ERCC1: variants seen among roughly 807,000 people sequenced by gnomAD.
The protein encoded by ERCC1 is DNA excision repair protein ERCC-1.
A neutral mutation model predicts 37.6 loss-of-function variants in ERCC1; 36 were observed. The ratio of observed to expected loss-of-function variants is 0.96; its 90% CI spans 0.73 to 1.26. The LOEUF (loss-of-function observed/expected upper bound fraction) is 1.26, where lower values mean the gene tolerates loss of function less well. Among genes scored for constraint, ERCC1 ranks in the 50% most tolerant of loss-of-function variants. ERCC1 has a pLI of 0.00. For missense variants in ERCC1, 349 were observed against 376.5 expected, an observed-to-expected ratio of 0.93 and a Z score of 0.60; for synonymous variants, 156 against 162.1, an observed-to-expected ratio of 0.96 and a Z score of 0.28.
intron 1 of ERCC1, among the ~76,000 whole-genome samples, chr19:45,434,000 G>A (rs549854946): frequency 6.6e-6 from 1 of 151,698 alleles, no homozygotes; most frequent in African/African-American, 2.4e-5. Flanking sequence ...AATTAGTCAG[G>A]CATGGTGGCA....
Position 45,409,328 on chromosome 19 carries a change from AG to A in ERCC1, c.*346del, listed in dbSNP as rs1425269261. 6.2e-7 allele frequency: 1 copy of A among 1,614,130 alleles called. No individual in the cohort carries two copies. Among genetic ancestry groups the A allele is most frequent in the Admixed American group, 1.7e-5 (1 of 60,018 alleles). Reference sequence around the variant, plus strand: ...GCCAGGGGAGGGACAGCCTGAAGCCAGGGCAACTCCGGGATCCACCAAGAAG... The same window carrying A: ...GCCAGGGGAGGGACAGCCTGAAGCCAGGCAACTCCGGGATCCACCAAGAAG... On this transcript the variant is annotated 3_prime_UTR_variant, in exon 10 of 10. Transcript: ENST00000300853.
At chr19:45,449,960 A>G (rs1460223604) in intron 1 of ERCC1, among the ~76,000 whole-genome samples, 1 of 152,216 alleles carries the variant, frequency 6.6e-6, no homozygotes, top group Admixed American at 6.5e-5. Context: ...GCAAAACTCC[A>G]TCTCAAACAA....
At chr19:45,438,085 T>A (rs571039844) in intron 1 of ERCC1, among the ~76,000 whole-genome samples, 151 of 152,254 alleles carry the variant, frequency 9.9e-4, no homozygotes, top group African/African-American at 3.4e-3. Flanking sequence ...ATTTTTTTTG[T>A]ATTTTTAGTA....
At chr19:45,450,903 C>G (rs1223839578) in intron 1 of ERCC1, among the ~76,000 whole-genome samples, 18 of 74,620 alleles carry the variant, frequency 2.4e-4, no homozygotes, top group African/African-American at 6.2e-4. Flanking sequence ...CCCCCCCCCC[C>G]CCACGCCCGC....
rs750129391 is a variant in ERCC1 at position 45,423,296 on chromosome 19, C to T, written c.79G>A (p.Asp27Asn). ...PARKKFVIPL[D>N]EDEVPPGVAK... is the part of the protein sequence containing the mutation. ...ACTCCAGGAGGGACCTCATCCTCGT[C>T]GAGGGGTATCACAAATTTCTTCCTT... The change falls in exon 2 of 10, where the codon GAC becomes AAC. Residue 27 changes from aspartate to asparagine, a missense_variant. Coordinates refer to ENST00000300853, the MANE Select transcript of ERCC1 (RefSeq NM_001983.4). The T allele has an allele frequency of 6.2e-7, 1 of 1,613,790 alleles. No homozygotes were observed. The highest frequency in any genetic ancestry group is 1.1e-5 in the South Asian group (1 of 90,970).
At chr19:45,413,653 T>C in intron 9 of ERCC1, 24 bp downstream of exon 9, 1 of 1,614,204 alleles carries the variant, frequency 6.2e-7, no homozygotes, top group South Asian at 1.1e-5. Flanking sequence ...CCCAACTCCT[T>C]GGGTTCTTTC....
chr19:45,423,729 A>G, intron 1 of ERCC1, 52 bp downstream of exon 1: 1 of 1,164,130 alleles, frequency 8.6e-7, no homozygotes, highest in Non-Finnish European at 1.1e-6. Context: ...AGACTCGGCA[A>G]TGATTGGCTT....
chr19:45,424,918 T>C (rs952167148), upstream of ERCC1, among the ~76,000 whole-genome samples: 1 of 136,528 alleles, frequency 7.3e-6, no homozygotes, highest in Admixed American at 7.1e-5. Flanking sequence ...AAATTCTTTT[T>C]TTTCTTTTTT....
Position 45,413,426 on chromosome 19 carries a change from C to T in ERCC1, c.843+251G>A, listed in dbSNP as rs560877664. 2.1e-4 allele frequency: 149 copies of T among 702,732 alleles called. No individual in the cohort carries two copies. The African/African-American group carries it at 2.4e-3, about 11-fold the overall frequency. 43.5% of individuals were successfully genotyped at this position (702,732 alleles called of 1,614,324 possible). ...AGACTACAGGCACGTAGCAAGCTCA[C>T]ACCACCATGCCCAGCTAGTTTTTTT... On this transcript the variant is annotated intron_variant, in intron 9 of 9. Transcript: ENST00000300853.
intron 1 of ERCC1, among the ~76,000 whole-genome samples, chr19:45,442,187 G>GC (rs1447189481): frequency 2.6e-5 from 4 of 151,352 alleles, no homozygotes; most frequent in South Asian, 2.1e-4. Context: ...GTGGTGGCAT[G>GC]CACCTGTGGT....
chr19:45,428,083 C>CTTTTTTTTTTTTT (rs5828235), upstream of ERCC1, among the ~76,000 whole-genome samples: 23 of 115,980 alleles, frequency 2.0e-4, 1 homozygote, highest in African/African-American at 7.3e-4. Context: ...TTCTTTCTTT[C>CTTTTTTTTTTTTT]TTTTTTTTTT....
At chr19:45,409,895 ATTTTTTT>A (rs57573120) in intron 9 of ERCC1, 170 bp from the exon 10 acceptor site, 1 of 169,606 alleles carries the variant, frequency 5.9e-6, no homozygotes, top group Non-Finnish European at 1.1e-5. Flanking sequence ...TATTATTATT[ATTTTTTT>A]TTTTTTTGAG....
At chr19:45,425,312 G>A (rs1453545294), upstream of ERCC1, among the ~76,000 whole-genome samples, 1 of 151,934 alleles carries the variant, frequency 6.6e-6, no homozygotes, top group Non-Finnish European at 1.5e-5. Flanking sequence ...TTCAGTGAGG[G>A]ACACAGACAC....
Position 45,408,791 on chromosome 19 carries a change from AAC to A in ERCC1, c.*882_*883del. ...CAAGACAGTGAAGCAGGAACAGATT[AAC>A]ACTGAGCCTCTAGAAGACACAGTCC... On this transcript the variant is annotated 3_prime_UTR_variant, in exon 10 of 10. Coordinates refer to ENST00000300853, the MANE Select transcript of ERCC1 (RefSeq NM_001983.4). 6.2e-7 allele frequency: 1 copy of A among 1,613,984 alleles called. No homozygotes were observed. Among genetic ancestry groups the A allele is most frequent in the South Asian group, 1.1e-5 (1 of 91,080 alleles).
rs764241126 is a variant in ERCC1, at chr19:45,421,275, G to A, written c.224C>T (p.Thr75Met). 1.4e-5 allele frequency: 23 copies of A among 1,614,006 alleles called. No individual in the cohort carries two copies. Among genetic ancestry groups the A allele is most frequent in the East Asian group, 4.5e-5 (2 of 44,898 alleles). Residue 75 changes from threonine (T) to methionine (M), a missense_variant, in exon 3 of 10, where the codon ACG becomes ATG. Thr to Met is a moderately conservative substitution (Grantham distance 81). Coordinates refer to ENST00000300853, the MANE Select transcript of ERCC1 (RefSeq NM_001983.4). ...ISQPLEGAGA[T>M]CPTGSEPLAG... The stretch of plus-strand genomic sequence containing the variant: ...CAGGGGCTCTGACCCTGTGGGGCAC[G>A]TGGCCCCAGCCCCTTCCAGAGGCTG...
intron 1 of ERCC1, among the ~76,000 whole-genome samples, chr19:45,439,777 C>T (rs1190146945): frequency 1.3e-5 from 2 of 151,996 alleles, no homozygotes; most frequent in Non-Finnish European, 2.9e-5. Context: ...GTCCAGGGCG[C>T]CCCCGATCGA....
chr19:45,425,652 G>A (rs1336613454), upstream of ERCC1, among the ~76,000 whole-genome samples: 1 of 152,088 alleles, frequency 6.6e-6, no homozygotes, highest in Admixed American at 6.6e-5. Flanking sequence ...TTACAAGCAT[G>A]AGCCACGGTG....
chr19:45,447,492 C>T (rs1966984711), intron 1 of ERCC1, among the ~76,000 whole-genome samples: 1 of 152,084 alleles, frequency 6.6e-6, no homozygotes, highest in South Asian at 2.1e-4. Context: ...TCAGGCTGGT[C>T]TTGAACTCCT....
chr19:45,416,780 C>G, intron 6 of ERCC1, 41 bp downstream of exon 6: 1 of 1,525,902 alleles, frequency 6.6e-7, no homozygotes, highest in Non-Finnish European at 9.1e-7. Flanking sequence ...GGGACCAATC[C>G]CAGGTGGAGC....
Sources: gnomAD v4.1 joint callset for allele counts (sites outside exome capture counted in the v4.1 genomes callset) on GRCh38, gnomAD v4.1.1 for gene constraint, MANE v1.5 for transcripts, NCBI Gene and HGNC (gene_info 2026-07-23, HGNC 2026-07-21) for gene names.